The following COL23A1 variants were observed in gnomAD, a reference collection of about 807,000 sequenced individuals.
COL23A1 encodes the protein collagen type XXIII alpha 1 chain, also known as collagen alpha-1(XXIII) chain.
A neutral mutation model predicts 99.3 loss-of-function variants in COL23A1; 97 were observed. The ratio of observed to expected loss-of-function variants is 0.98; its 90% CI spans 0.83 to 1.16. The LOEUF is 1.16. Ranked by LOEUF, COL23A1 falls within the 50% of genes most tolerant of loss-of-function variation. The pLI, the probability that COL23A1 is intolerant of heterozygous loss-of-function variation, is 0.00. For synonymous variants in COL23A1, 320 were observed against 308.2 expected (o/e 1.04, Z -0.40); for missense variants, 762 against 757.4 (o/e 1.01, Z -0.07).
Position 178,255,803 on chromosome 5 carries a change from G to A in COL23A1, c.882+550C>T. 2.5e-6 allele frequency: 1 copy of A among 392,240 alleles called. No individual in the cohort carries two copies. 24.3% of individuals were successfully genotyped at this position (392,240 alleles called of 1,614,324 possible). A position where few individuals can be genotyped will look rare whatever the true frequency, so the allele number is the denominator to read the frequency against. On this transcript the variant is annotated intron_variant, in intron 15 of 28. Transcript: ENST00000390654. This position sits in a 1 kb window ranked among gnomAD's most constrained non-coding sequence, Gnocchi z 4.2. ...CCCCACCACCTGCACAGCCAGGCGGGGGCTCAGATCCATTTTTTTTGGAGG... is the reference window on the plus strand; with the variant it reads ...CCCCACCACCTGCACAGCCAGGCGGAGGCTCAGATCCATTTTTTTTGGAGG...
intron 3 of COL23A1, among the ~76,000 whole-genome samples, chr5:178,291,725 T>C (rs928470807): frequency 6.6e-6 from 1 of 151,934 alleles, no homozygotes; most frequent in African/African-American, 2.4e-5. Flanking sequence ...GGTGTCCCCA[T>C]GCAGGTGCTG....
At chr5:178,556,314 G>A (rs262015) in intron 2 of COL23A1, among the ~76,000 whole-genome samples, 11,216 of 152,126 alleles carry the variant, frequency 0.074, 1,034 homozygotes, top group African/African-American at 0.22. Flanking sequence ...AGGAGGAGGA[G>A]TTACTACTTT....
At position 178,341,237 on chromosome 5, in the gene COL23A1, G is replaced by A. The variant is rs536165894; in HGVS notation, c.362-34318C>T. Among the ~76,000 whole-genome samples the A allele has an allele frequency of 5.9e-5, 9 of 152,310 alleles. No homozygotes were observed. The East Asian group carries it at 7.7e-4, about 13-fold the overall frequency. On this transcript the variant is annotated intron_variant, in intron 2 of 28. Coordinates refer to ENST00000390654, the MANE Select transcript of COL23A1 (RefSeq NM_173465.4). The stretch of plus-strand genomic sequence containing the variant: ...ACTTCCGGGCTCAAGCAATTCTCCC[G>A]CCTCAGCTTCTGGACTAGCTGGGAC...
At chr5:178,433,853 T>C (rs1032394260) in intron 2 of COL23A1, among the ~76,000 whole-genome samples, 9 of 152,108 alleles carry the variant, frequency 5.9e-5, no homozygotes, top group African/African-American at 2.2e-4. Flanking sequence ...AAACTTTAAG[T>C]GATTAAGTTA....
intron 1 of COL23A1, among the ~76,000 whole-genome samples, chr5:178,585,810 C>G (rs1042092908): frequency 1.7e-5 from 2 of 117,868 alleles, no homozygotes; most frequent in African/African-American, 2.7e-5. Context: ...CGATTCTGTT[C>G]CAGCGGCAAC....
chr5:178,316,214 G>T (rs997643099), intron 2 of COL23A1, among the ~76,000 whole-genome samples: 2 of 152,070 alleles, frequency 1.3e-5, no homozygotes, highest in African/African-American at 4.8e-5. Flanking sequence ...TTCTAGATAG[G>T]AATCAATTAG....
intron 1 of COL23A1, among the ~76,000 whole-genome samples, chr5:178,575,884 C>T (rs541291013): frequency 2.0e-4 from 31 of 152,344 alleles, no homozygotes; most frequent in African/African-American, 7.2e-4. Context: ...GAGAAACTCA[C>T]ATACACCAGG....
chr5:178,433,187 G>A (rs983843903), intron 2 of COL23A1, among the ~76,000 whole-genome samples: 2 of 152,004 alleles, frequency 1.3e-5, no homozygotes, highest in African/African-American at 2.4e-5. Context: ...TCCCACCGCA[G>A]AACCCAGCTG....
chr5:178,543,912 T>C (rs1459835172), intron 2 of COL23A1, among the ~76,000 whole-genome samples: 1 of 152,060 alleles, frequency 6.6e-6, no homozygotes, highest in Non-Finnish European at 1.5e-5. Context: ...GGTGAGGCCG[T>C]TTCCTGGTTC....
intron 2 of COL23A1, among the ~76,000 whole-genome samples, chr5:178,418,233 A>G (rs1262375407): frequency 1.3e-5 from 2 of 152,264 alleles, no homozygotes; most frequent in East Asian, 1.9e-4. Context: ...TATAATACAC[A>G]TAGAATATGA....
intron 2 of COL23A1, among the ~76,000 whole-genome samples, chr5:178,557,372 CA>C (rs1253932935): frequency 1.3e-4 from 20 of 152,194 alleles, no homozygotes; most frequent in African/African-American, 4.6e-4. Flanking sequence ...AGGACTTGGA[CA>C]TATCTTTTGA....
intron 5 of COL23A1, among the ~76,000 whole-genome samples, chr5:178,275,222 CTT>C (rs547083553): frequency 2.4e-4 from 36 of 152,354 alleles, no homozygotes; most frequent in South Asian, 1.5e-3. Context: ...GGTCAGTGGC[CTT>C]TGTTTCCCAG....
rs530519672 is a variant in COL23A1 at position 178,340,285 on chromosome 5, T to G, written c.362-33366A>C. 1.7e-4 allele frequency among the ~76,000 whole-genome samples: 26 copies of G among 152,210 alleles called. No individual in the cohort carries two copies. Among genetic ancestry groups the G allele is most frequent in the Non-Finnish European group, 3.1e-4 (21 of 68,030 alleles). ...CAGCAATAAGCCTCACCAAAAAATG[T>G]GCTCATGTAAGAAAAACAATTATCC... On this transcript the variant is annotated intron_variant, in intron 2 of 28. Coordinates refer to ENST00000390654, the MANE Select transcript of COL23A1 (RefSeq NM_173465.4). The surrounding 1 kb of genome is among the most constrained non-coding windows in gnomAD (Gnocchi z 4.7).
At chr5:178,378,483 A>G (rs1431429843) in intron 2 of COL23A1, among the ~76,000 whole-genome samples, 1 of 152,192 alleles carries the variant, frequency 6.6e-6, no homozygotes, top group African/African-American at 2.4e-5. Flanking sequence ...GAATTGGCAT[A>G]TGGGTTTTTG....
Position 178,471,951 on chromosome 5 carries a change from C to G in COL23A1, c.361+88731G>C, listed in dbSNP as rs142811237. Among the ~76,000 whole-genome samples the G allele has an allele frequency of 6.1e-4, 93 of 152,252 alleles. 2 individuals carry two copies. The East Asian group carries it at 0.017, about 28-fold the overall frequency. On this transcript the variant is annotated intron_variant, in intron 2 of 28. Coordinates refer to ENST00000390654, the MANE Select transcript of COL23A1 (RefSeq NM_173465.4). ...AATCGTCAGTAAGAAACTCTTCTTTCAAGCAGTTGTCTCCATGGTTGTCAT... is the reference window on the plus strand; with the variant it reads ...AATCGTCAGTAAGAAACTCTTCTTTGAAGCAGTTGTCTCCATGGTTGTCAT...
Position 178,306,818 on chromosome 5 carries a change from T to C in COL23A1, c.406+57A>G. The stretch of plus-strand genomic sequence containing the variant: ...GTGGCCAGGCCCTGCAGTCAGAGCC[T>C]GGGGCCATGGTGGCTTCCAAGCCTT... On this transcript the variant is annotated intron_variant, in intron 3 of 28. Transcript: ENST00000390654. This position sits in a 1 kb window ranked among gnomAD's most constrained non-coding sequence, Gnocchi z 4.1. The C allele has an allele frequency of 1.5e-6, 2 of 1,328,720 alleles. No homozygotes were observed. The highest frequency in any genetic ancestry group is 2.0e-6 in the Non-Finnish European group (2 of 1,003,960). 82.3% of individuals were successfully genotyped at this position (1,328,720 alleles called of 1,614,324 possible).
intron 17 of COL23A1, 89 bp from the exon 18 acceptor site, chr5:178,250,194 G>C: frequency 6.7e-7 from 1 of 1,493,116 alleles, no homozygotes; most frequent in East Asian, 2.4e-5. Context: ...CTGTGCACCC[G>C]GCCCAGGGTG....
At position 178,403,119 on chromosome 5, in the gene COL23A1, A is replaced by T. The variant is rs550086828; in HGVS notation, c.362-96200T>A. On this transcript the variant is annotated intron_variant, in intron 2 of 28. Coordinates refer to ENST00000390654, the MANE Select transcript of COL23A1 (RefSeq NM_173465.4). ...GAGAGACTCCATCTCAAAAAAAAAAAAAATAAATAAATAAAAAATAAATAC... is the reference window on the plus strand; with the variant it reads ...GAGAGACTCCATCTCAAAAAAAAAATAAATAAATAAATAAAAAATAAATAC... 3.3e-3 allele frequency among the ~76,000 whole-genome samples: 354 copies of T among 108,386 alleles called. 45 individuals are homozygous for T. The highest frequency in any genetic ancestry group is 0.03 in the East Asian group (98 of 3,288). 71.1% of individuals were successfully genotyped at this position (108,386 alleles called of 152,430 possible).
intron 2 of COL23A1, among the ~76,000 whole-genome samples, chr5:178,467,865 T>C (rs989114752): frequency 1.3e-5 from 2 of 152,308 alleles, no homozygotes; most frequent in East Asian, 3.9e-4. Flanking sequence ...AAGCGGATAC[T>C]GCAGCAGGCT....
Sources: allele counts gnomAD v4.1 joint callset (sites outside exome capture counted in the v4.1 genomes callset), GRCh38; gene constraint gnomAD v4.1.1; non-coding constraint Gnocchi (gnomAD v3.1); transcripts MANE v1.5; gene names NCBI Gene and HGNC (gene_info 2026-07-23, HGNC 2026-07-21).